Variants in ACTR3C observed in about 807,000 individuals in gnomAD.
The protein encoded by ACTR3C is actin-related protein 3C.
ACTR3C carries 18 observed loss-of-function variants against 26.3 expected under a neutral mutation model. That is an observed-to-expected ratio of 0.68 (90% CI 0.47 to 1.01). The LOEUF is 1.01. ACTR3C is among the 50% of genes least tolerant of loss of function. The probability of loss-of-function intolerance (pLI) is 0.00; values close to 1 mark genes in which losing one functional copy is unlikely to be tolerated. For missense variants in ACTR3C, 184 were observed against 250.7 expected, an observed-to-expected ratio of 0.73 and a Z score of 1.80; for synonymous variants, 55 against 94.5, an observed-to-expected ratio of 0.58 and a Z score of 2.42.
chr7:150,096,471 C>T, the ACTR3C span, among the ~76,000 whole-genome samples: 21 of 151,376 alleles, frequency 1.4e-4, no homozygotes, highest in Admixed American at 1.2e-3. Flanking sequence ...AAAAATTATA[C>T]TTCTTTACCA....
the ACTR3C span, among the ~76,000 whole-genome samples, chr7:150,132,520 T>C: frequency 6.6e-6 from 1 of 152,108 alleles, no homozygotes; most frequent in Non-Finnish European, 1.5e-5. Context: ...ACATCACTCA[T>C]CATCAGGGAA....
the ACTR3C span, among the ~76,000 whole-genome samples, chr7:150,017,510 G>A: frequency 6.7e-6 from 1 of 150,242 alleles, no homozygotes; most frequent in East Asian, 1.9e-4. Context: ...GGCAAGAATA[G>A]GTAGCGCAGG....
chr7:150,316,110 T>C (rs927479336), intron 1 of ACTR3C, among the ~76,000 whole-genome samples: 2 of 152,190 alleles, frequency 1.3e-5, no homozygotes, highest in African/African-American at 2.4e-5. Context: ...GGCAGGATAA[T>C]TGCCTGAACC....
intron 3 of ACTR3C, among the ~76,000 whole-genome samples, chr7:150,292,983 T>TAC (rs2129613165): frequency 6.6e-6 from 1 of 152,218 alleles, no homozygotes; most frequent in East Asian, 1.9e-4. Flanking sequence ...TTGTTGATGT[T>TAC]ACACCCACGG....
At chr7:150,037,265 A>C in the ACTR3C span, among the ~76,000 whole-genome samples, 101 of 40,666 alleles carry the variant, frequency 2.5e-3, 2 homozygotes, top group Middle Eastern at 0.013. Flanking sequence ...TACTTGGACA[A>C]CTAACACCCA....
At chr7:150,321,965 A>G (rs1213677361) in intron 1 of ACTR3C, among the ~76,000 whole-genome samples, 1 of 152,190 alleles carries the variant, frequency 6.6e-6, no homozygotes, top group African/African-American at 2.4e-5. Context: ...AATATGTCCA[A>G]CTGAGGAGGT....
chr7:150,161,132 A>G, the ACTR3C span, among the ~76,000 whole-genome samples: 7 of 149,092 alleles, frequency 4.7e-5, no homozygotes, highest in Non-Finnish European at 8.9e-5. Flanking sequence ...TGAGCTGCCA[A>G]ACACTTCATT....
the ACTR3C span, among the ~76,000 whole-genome samples, chr7:149,891,669 TA>T: frequency 6.7e-6 from 1 of 149,540 alleles, no homozygotes; most frequent in Non-Finnish European, 1.5e-5. Flanking sequence ...TACAAAAAAT[TA>T]AAAAATCAGC....
chr7:150,315,141 TTTA>T (rs1268307974), intron 1 of ACTR3C, among the ~76,000 whole-genome samples: 1 of 147,964 alleles, frequency 6.8e-6, no homozygotes, highest in Non-Finnish European at 1.5e-5. Flanking sequence ...ATAAATAATA[TTTA>T]TTATTATTTT....
At chr7:149,912,923 CT>C in the ACTR3C span, among the ~76,000 whole-genome samples, 1 of 152,172 alleles carries the variant, frequency 6.6e-6, no homozygotes, top group Non-Finnish European at 1.5e-5. Flanking sequence ...AATATAATAT[CT>C]TTCCATTTTC....
At chr7:150,011,224 CTA>C in the ACTR3C span, among the ~76,000 whole-genome samples, 1 of 152,100 alleles carries the variant, frequency 6.6e-6, no homozygotes, top group Non-Finnish European at 1.5e-5. Flanking sequence ...GTCTCTATCT[CTA>C]AATAACCAGG....
At chr7:150,038,082 G>T in the ACTR3C span, among the ~76,000 whole-genome samples, 8 of 141,258 alleles carry the variant, frequency 5.7e-5, 1 homozygote, top group South Asian at 4.4e-4. Flanking sequence ...CTCGCGGGGG[G>T]TGCCTCCCCC....
At chr7:150,259,343 G>A (rs1251664815) in intron 6 of ACTR3C, among the ~76,000 whole-genome samples, 2 of 151,028 alleles carry the variant, frequency 1.3e-5, no homozygotes, top group Admixed American at 1.3e-4. Context: ...AAGAAAGAAA[G>A]ACAGAGAAAG....
the ACTR3C span, among the ~76,000 whole-genome samples, chr7:150,216,956 A>C: frequency 3.5e-5 from 5 of 143,086 alleles, no homozygotes; most frequent in Non-Finnish European, 7.5e-5. Flanking sequence ...ACTGCACTCT[A>C]GCCTGGCAAC....
At chr7:150,019,081 A>G in the ACTR3C span, among the ~76,000 whole-genome samples, 1 of 150,480 alleles carries the variant, frequency 6.6e-6, no homozygotes, top group Non-Finnish European at 1.5e-5. Flanking sequence ...AGATGACAAC[A>G]CAACTACTTT....
chr7:149,987,515 T>C, the ACTR3C span, among the ~76,000 whole-genome samples: 4 of 147,242 alleles, frequency 2.7e-5, no homozygotes. Context: ...TGCAATGAAC[T>C]GAGATTGTGC....
the ACTR3C span, among the ~76,000 whole-genome samples, chr7:149,948,186 G>C: frequency 0.054 from 5,482 of 100,726 alleles, 541 homozygotes; most frequent in African/African-American, 0.28. Flanking sequence ...AATAGCACGT[G>C]TCTTTTAATG....
At chr7:150,264,042 CT>C (rs1584867360) in intron 6 of ACTR3C, among the ~76,000 whole-genome samples, 1 of 152,228 alleles carries the variant, frequency 6.6e-6, no homozygotes, top group East Asian at 1.9e-4. Flanking sequence ...CTGTACTCCA[CT>C]TTTCCTGAGC....
chr7:149,998,379 C>T, the ACTR3C span, among the ~76,000 whole-genome samples: 5 of 149,522 alleles, frequency 3.3e-5, no homozygotes, highest in African/African-American at 1.2e-4. Context: ...TCTTTGATAC[C>T]TGTATTCGTC....
Sources: allele counts gnomAD v4.1 joint callset (sites outside exome capture counted in the v4.1 genomes callset), GRCh38; gene constraint gnomAD v4.1.1; transcripts MANE v1.5; gene names NCBI Gene and HGNC (gene_info 2026-07-23, HGNC 2026-07-21).